Variants in FBLN1 observed in about 807,000 individuals in gnomAD.
FBLN1 encodes fibulin-1.
A neutral mutation model predicts 89.7 loss-of-function variants in FBLN1; 34 were observed. That is an observed-to-expected ratio of 0.38 (90% CI 0.29 to 0.50). The LOEUF (loss-of-function observed/expected upper bound fraction) is 0.50, where lower values mean the gene tolerates loss of function less well. Ranked by LOEUF, FBLN1 falls within the 20% of genes least tolerant of loss-of-function variation. The pLI is 0.92. For synonymous variants in FBLN1, 393 were observed against 391.3 expected, an observed-to-expected ratio of 1.00 and a Z score of -0.05; for missense variants, 777 against 988.1, an observed-to-expected ratio of 0.79 and a Z score of 2.86.
chr22:45,506,419 C>T (rs1218797601), intron 1 of FBLN1, among the ~76,000 whole-genome samples: 1 of 152,220 alleles, frequency 6.6e-6, no homozygotes, highest in African/African-American at 2.4e-5. Context: ...GTGCCAGACA[C>T]TGCTCTATAA....
chr22:45,509,861 G>A (rs550258263), intron 1 of FBLN1, among the ~76,000 whole-genome samples: 10 of 152,196 alleles, frequency 6.6e-5, no homozygotes, highest in African/African-American at 2.2e-4. Context: ...ACTCTTTGCT[G>A]TAGCTTTAGA....
chr22:45,599,296 G>T (rs1452193613), intron 16 of FBLN1, among the ~76,000 whole-genome samples: 2 of 152,106 alleles, frequency 1.3e-5, no homozygotes, highest in Non-Finnish European at 2.9e-5. Flanking sequence ...GACTGCCCTG[G>T]GGACGCCACT....
chr22:45,554,619 C>G lies in FBLN1; in HGVS notation c.1697+4004C>G, dbSNP rs150043935. ...AATGCCTCAAGCAAGTCCAAGTAAC[C>G]CAGCACGAGACATGGAAACTTAAAA... On this transcript the variant is annotated intron_variant, in intron 14 of 16. Coordinates refer to ENST00000327858, the MANE Select transcript of FBLN1 (RefSeq NM_006486.3). Among the ~76,000 whole-genome samples the G allele has an allele frequency of 5.9e-5, 9 of 152,332 alleles. No individual in the cohort carries two copies. In the East Asian group the frequency reaches 1.7e-3, roughly 29 times the overall value.
chr22:45,533,912 T>G lies in FBLN1; in HGVS notation c.784+14T>G. On this transcript the variant is annotated intron_variant, in intron 7 of 16. Transcript: ENST00000327858. ...ATAGCTGCAAAGGTACAGCATGCGC[T>G]CCGAGTCTGCAAACCTGGTCTTCCA... 1 of 1,613,634 alleles carries G rather than the reference T, an allele frequency of 6.2e-7. No individual in the cohort carries two copies. The highest frequency in any genetic ancestry group is 8.5e-7 in the Non-Finnish European group (1 of 1,179,912).
At chr22:45,508,478 G>T (rs1219937205) in intron 1 of FBLN1, among the ~76,000 whole-genome samples, 2 of 152,054 alleles carry the variant, frequency 1.3e-5, no homozygotes, top group African/African-American at 4.8e-5. Context: ...GGCCAGAGTG[G>T]TCTCTAACTC....
chr22:45,565,322 C>T (rs1295724275), intron 14 of FBLN1: 2 of 1,253,754 alleles, frequency 1.6e-6, no homozygotes, highest in Non-Finnish European at 2.1e-6. Flanking sequence ...CTCTGCCCAC[C>T]CTTTGAGCTG....
Position 45,550,670 on chromosome 22 carries a change from C to A in FBLN1, c.1697+55C>A. 6.2e-7 allele frequency: 1 copy of A among 1,613,506 alleles called. No homozygotes were observed. Among genetic ancestry groups the A allele is most frequent in the South Asian group, 1.1e-5 (1 of 91,046 alleles). On this transcript the variant is annotated intron_variant, in intron 14 of 16. Coordinates refer to ENST00000327858, the MANE Select transcript of FBLN1 (RefSeq NM_006486.3). The surrounding 1 kb of genome is among the most constrained non-coding windows in gnomAD (Gnocchi z 8.4). ...CTGTCTGTGTTGGCCTTCCTGGTGA[C>A]CCAGTTCCCGGGTGGGTGGGTTATC... is the stretch of plus-strand genomic sequence containing the variant.
chr22:45,587,867 G>A (rs968792868), intron 16 of FBLN1, among the ~76,000 whole-genome samples: 7 of 152,168 alleles, frequency 4.6e-5, no homozygotes, highest in African/African-American at 1.7e-4. Context: ...CCGTCCACAC[G>A]CTCCACATGC....
At chr22:45,586,293 C>T (rs948431081) in intron 16 of FBLN1, among the ~76,000 whole-genome samples, 5 of 152,222 alleles carry the variant, frequency 3.3e-5, no homozygotes, top group Admixed American at 1.3e-4. Flanking sequence ...GGGTACAGCC[C>T]GCTCAGCACC....
In FBLN1 at chr22:45,600,330, A is replaced by G. The variant is rs1045237828; in HGVS notation, c.1996A>G (p.Ile666Val). The G allele has an allele frequency of 3.7e-6, 6 of 1,614,158 alleles. No individual in the cohort carries two copies. Among genetic ancestry groups the G allele is most frequent in the Non-Finnish European group, 5.1e-6 (6 of 1,180,026 alleles). ...TVGVVRQVRPIVGPFHAVLKL... is the reference protein window; with the variant it reads ...TVGVVRQVRPVVGPFHAVLKL... ...AGGTGTCGTGCGCCAGGTGCGGCCCATCGTGGGCCCATTTCATGCCGTCCT... is the reference window on the plus strand; with the variant it reads ...AGGTGTCGTGCGCCAGGTGCGGCCCGTCGTGGGCCCATTTCATGCCGTCCT... The change falls in exon 17 of 17, where the codon ATC becomes GTC. Residue 666 changes from isoleucine to valine, a missense_variant. Coordinates refer to ENST00000327858, the MANE Select transcript of FBLN1 (RefSeq NM_006486.3).
intron 2 of FBLN1, 103 bp downstream of exon 2, chr22:45,518,890 C>T: frequency 9.4e-7 from 1 of 1,063,392 alleles, no homozygotes; most frequent in East Asian, 2.6e-5. Context: ...AGAGGCTGGA[C>T]ACCCAGGCCC....
Position 45,527,876 on chromosome 22 carries a change from G to C in FBLN1, c.351G>C (p.Arg117Ser), listed in dbSNP as rs200359463. ...KRCCHCCLLG[R>S]AAQAQGQSCE... ...GCTGCCATTGCTGTCTGCTGGGGAG[G>C]GCGGCCCAGGCCCAGGGCCAGAGCT... is the stretch of plus-strand genomic sequence containing the variant. The change falls in exon 4 of 17, where the codon AGG becomes AGC. Residue 117 changes from arginine (R) to serine (S), a missense_variant. Coordinates refer to ENST00000327858, the MANE Select transcript of FBLN1 (RefSeq NM_006486.3). The C allele has an allele frequency of 1.5e-5, 25 of 1,614,084 alleles. No individual in the cohort carries two copies. Among genetic ancestry groups the C allele is most frequent in the Non-Finnish European group, 1.9e-5 (23 of 1,180,032 alleles).
Position 45,564,953 on chromosome 22 carries a change from A to G in FBLN1, c.1698-9558A>G, listed in dbSNP as rs1243282299. The stretch of plus-strand genomic sequence containing the variant: ...GTAAAGAGGACTGCAGGGTTCTTCC[A>G]TGGAAGCAGGGGTTGGAGGATACCC... On this transcript the variant is annotated intron_variant, in intron 14 of 16. Transcript: ENST00000327858. 4.3e-6 allele frequency: 7 copies of G among 1,614,026 alleles called. No individual in the cohort carries two copies. In the South Asian group the frequency reaches 6.6e-5, roughly 15 times the overall value.
rs776459410 is a variant in FBLN1 at position 45,543,506 on chromosome 22, T to A, written c.1301T>A (p.Val434Glu). The change falls in exon 11 of 17, where the codon GTG becomes GAG. Residue 434 changes from valine to glutamate, a missense_variant. Physicochemically the swap from Val to Glu is moderately radical, Grantham distance 121. Coordinates refer to ENST00000327858, the MANE Select transcript of FBLN1 (RefSeq NM_006486.3). ...TGTTCCGTGGGCTTCCGGCTCTCTG[T>A]GGATGGCAGGTCATGTGAAGGTGAG... is the stretch of plus-strand genomic sequence containing the variant. ...CSCSVGFRLS[V>E]DGRSCEDINE... is the part of the protein sequence containing the mutation. 1 of 1,613,750 alleles carries A rather than the reference T, an allele frequency of 6.2e-7. No individual in the cohort carries two copies. Among genetic ancestry groups the A allele is most frequent in the East Asian group, 2.2e-5 (1 of 44,882 alleles).
rs974589053 is a variant in FBLN1, at chr22:45,577,881, G to A, written c.1972+773G>A. 3 of 153,838 alleles carry A rather than the reference G, an allele frequency of 2.0e-5. No homozygotes were observed. The highest frequency in any genetic ancestry group is 4.8e-5 in the African/African-American group (2 of 41,542). 9.5% of individuals were successfully genotyped at this position (153,838 alleles called of 1,614,324 possible). On this transcript the variant is annotated intron_variant, in intron 16 of 16. Transcript: ENST00000327858. The surrounding 1 kb of genome is among the most constrained non-coding windows in gnomAD (Gnocchi z 6.6). ...AAAATATCCAGGCCCACTCCATTCCGCACGCTTGTTTCTGTCATTCACAGC... is the reference window on the plus strand; with the variant it reads ...AAAATATCCAGGCCCACTCCATTCCACACGCTTGTTTCTGTCATTCACAGC...
At chr22:45,518,244 G>T (rs1318609274) in intron 1 of FBLN1, among the ~76,000 whole-genome samples, 1 of 151,906 alleles carries the variant, frequency 6.6e-6, no homozygotes, top group African/African-American at 2.4e-5. Context: ...GAGTCATGTC[G>T]GCTGTTCCCT....
intron 14 of FBLN1, among the ~76,000 whole-genome samples, chr22:45,553,297 G>C (rs1187929991): frequency 6.6e-6 from 1 of 152,222 alleles, no homozygotes; most frequent in Admixed American, 6.5e-5. Flanking sequence ...GAACTGGCAA[G>C]TTGGAGCACA....
In FBLN1 at chr22:45,600,853, A is replaced by G. The variant is rs1193690747; in HGVS notation, c.*407A>G. The G allele has an allele frequency of 6.4e-6, 2 of 310,266 alleles. No homozygotes were observed. Among genetic ancestry groups the G allele is most frequent in the African/African-American group, 2.2e-5 (1 of 45,374 alleles). 19.2% of individuals were successfully genotyped at this position (310,266 alleles called of 1,614,324 possible). On this transcript the variant is annotated 3_prime_UTR_variant, in exon 17 of 17. Coordinates refer to ENST00000327858, the MANE Select transcript of FBLN1 (RefSeq NM_006486.3). Reference sequence around the variant, plus strand: ...GGCACTTTTTTTTTTTTTTTGGCCAATCAGATTTTCTATGTTCTAAGGACA... The same window carrying G: ...GGCACTTTTTTTTTTTTTTTGGCCAGTCAGATTTTCTATGTTCTAAGGACA...
chr22:45,527,355 A>C (rs1033528912), intron 3 of FBLN1, among the ~76,000 whole-genome samples: 23 of 152,164 alleles, frequency 1.5e-4, no homozygotes, highest in Admixed American at 3.3e-4. Context: ...CTGTGCTTTC[A>C]AATGCACGGT....
Sources: allele counts gnomAD v4.1 joint callset (sites outside exome capture counted in the v4.1 genomes callset), GRCh38; gene constraint gnomAD v4.1.1; non-coding constraint Gnocchi (gnomAD v3.1); transcripts MANE v1.5; gene names NCBI Gene and HGNC (gene_info 2026-07-23, HGNC 2026-07-21).